Variants in ERAP2 observed in about 807,000 individuals in gnomAD.
ERAP2 encodes leukocyte-derived arginine aminopeptidase.
ERAP2 carries 118 observed loss-of-function variants against 111.1 expected under a neutral mutation model. The observed-to-expected ratio is 1.06, with a 90% CI of 0.92 to 1.24. ERAP2 has a LOEUF of 1.24. Ranked by LOEUF, ERAP2 falls within the 50% of genes most tolerant of loss-of-function variation. The probability of loss-of-function intolerance (pLI) is 0.00; values close to 1 mark genes in which losing one functional copy is unlikely to be tolerated. For synonymous variants in ERAP2, 410 were observed against 401.2 expected (o/e 1.02, Z -0.26); for missense variants, 1,131 against 1,125.8 (o/e 1.00, Z -0.07).
chr5:96,890,046 A>T (rs867357527), intron 5 of ERAP2, among the ~76,000 whole-genome samples: 16 of 152,202 alleles, frequency 1.1e-4, no homozygotes, highest in African/African-American at 3.6e-4. Context: ...ACAGATTTTT[A>T]AAAAATTGCA....
At chr5:96,880,301 T>C (rs767837857) in intron 2 of ERAP2, 41 bp downstream of exon 2, 13 of 1,535,266 alleles carry the variant, frequency 8.5e-6, no homozygotes, top group Admixed American at 5.9e-5. Flanking sequence ...TTTGTGATAA[T>C]TTCCTTACGA....
chr5:96,881,323 C>A, intron 2 of ERAP2: 1 of 435,998 alleles, frequency 2.3e-6, no homozygotes. Context: ...AGTGGCAGTG[C>A]TTATGGAGTG....
chr5:96,901,637 G>A lies in ERAP2; in HGVS notation c.1704G>A (p.Gln568=). 1 of 1,613,506 alleles carries A rather than the reference G, an allele frequency of 6.2e-7. No individual in the cohort carries two copies. Among genetic ancestry groups the A allele is most frequent in the Non-Finnish European group, 8.5e-7 (1 of 1,179,578 alleles). Residue 568 remains glutamine (Q), a synonymous_variant, in exon 11 of 19, where the codon CAG becomes CAA. Coordinates refer to ENST00000437043, the MANE Select transcript of ERAP2 (RefSeq NM_022350.5). ...GACTGCAACAGGAGCGCTTCCTCCA[G>A]GGGGTTTTCCAGGAAGACCCTGAAT... ...SLRLQQERFL[Q]GVFQEDPEWR... is the part of the protein sequence containing the mutation.
At chr5:96,901,767 C>T in intron 11 of ERAP2, 86 bp downstream of exon 11, 1 of 1,356,178 alleles carries the variant, frequency 7.4e-7, no homozygotes, top group Non-Finnish European at 1.0e-6. Context: ...CATCTGGCAA[C>T]TTTGTAGGAT....
At chr5:96,880,661 C>G (rs1407919730) in intron 2 of ERAP2, among the ~76,000 whole-genome samples, 1 of 152,022 alleles carries the variant, frequency 6.6e-6, no homozygotes, top group Non-Finnish European at 1.5e-5. Context: ...TATACATTGC[C>G]TAGGTAACAG....
At chr5:96,916,690 G>A (rs1229936702) in intron 18 of ERAP2, among the ~76,000 whole-genome samples, 1 of 150,940 alleles carries the variant, frequency 6.6e-6, no homozygotes, top group African/African-American at 2.4e-5. Context: ...GGGTGGTCTC[G>A]ATCTCCTGAC....
chr5:96,903,097 A>G (rs909695357), intron 12 of ERAP2, among the ~76,000 whole-genome samples: 1 of 152,188 alleles, frequency 6.6e-6, no homozygotes. Context: ...CATCTGGCTC[A>G]CTGGGCCCTT....
At chr5:96,913,524 G>A in intron 17 of ERAP2, 67 bp downstream of exon 17, 1 of 1,531,416 alleles carries the variant, frequency 6.5e-7, no homozygotes, top group East Asian at 2.3e-5. Flanking sequence ...CAAACCAAGT[G>A]TAATCAAATG....
chr5:96,917,407 C>A (rs1300048881), intron 18 of ERAP2, 55 bp from the exon 19 acceptor site: 17 of 1,538,774 alleles, frequency 1.1e-5, no homozygotes, highest in African/African-American at 1.4e-5. Flanking sequence ...AGGTGTGAAC[C>A]ACCACACTCG....
chr5:96,889,709 G>A (rs1256986561), intron 5 of ERAP2, among the ~76,000 whole-genome samples: 3 of 152,050 alleles, frequency 2.0e-5, no homozygotes, highest in East Asian at 1.9e-4. Context: ...TCCCTGTGGC[G>A]GACATCAACG....
chr5:96,901,306 A>G (rs1785435329), intron 10 of ERAP2, among the ~76,000 whole-genome samples, 200 bp from the exon 11 acceptor site: 1 of 152,056 alleles, frequency 6.6e-6, no homozygotes. Context: ...TATATCCCTC[A>G]ATTCAAGTAA....
chr5:96,903,240 A>G (rs1039675024), intron 12 of ERAP2, 137 bp from the exon 13 acceptor site: 90 of 633,154 alleles, frequency 1.4e-4, no homozygotes, highest in Non-Finnish European at 2.1e-4. Flanking sequence ...AACTACGAAA[A>G]TGAATATCAT....
At chr5:96,909,326 C>T (rs1460482104) in intron 14 of ERAP2, among the ~76,000 whole-genome samples, 2 of 152,170 alleles carry the variant, frequency 1.3e-5, no homozygotes, top group Non-Finnish European at 2.9e-5. Flanking sequence ...AACATCTCTA[C>T]TAAAGGTGAT....
intron 4 of ERAP2, among the ~76,000 whole-genome samples, chr5:96,888,548 A>G (rs1038949946): frequency 6.6e-6 from 1 of 152,254 alleles, no homozygotes; most frequent in Admixed American, 6.5e-5. Flanking sequence ...GTGGCCGTTT[A>G]CATTTTTTCT....
chr5:96,878,401 G>GTAA (rs1782777204), intron 1 of ERAP2, among the ~76,000 whole-genome samples: 2 of 20,022 alleles, frequency 1.0e-4, no homozygotes, highest in South Asian at 4.5e-3. Context: ...AATGCCATTC[G>GTAA]TAGTAATAAT....
intron 6 of ERAP2, among the ~76,000 whole-genome samples, chr5:96,894,271 G>A (rs1028860331): frequency 4.6e-5 from 7 of 152,092 alleles, no homozygotes; most frequent in Admixed American, 1.3e-4. Flanking sequence ...TATATTCACC[G>A]GTTTTCAAAT....
At chr5:96,881,929 T>C (rs897327499) in intron 2 of ERAP2, among the ~76,000 whole-genome samples, 2 of 152,146 alleles carry the variant, frequency 1.3e-5, no homozygotes, top group Non-Finnish European at 2.9e-5. Context: ...TCTGGACTTG[T>C]TGCCTTCCTG....
chr5:96,917,139 C>T (rs1225774260), intron 18 of ERAP2, among the ~76,000 whole-genome samples: 1 of 152,194 alleles, frequency 6.6e-6, no homozygotes, highest in African/African-American at 2.4e-5. Context: ...AACTGCCTCG[C>T]TCTGTCAGCC....
intron 2 of ERAP2, 67 bp downstream of exon 2, chr5:96,880,327 C>T (rs1561356546): frequency 2.2e-6 from 3 of 1,376,330 alleles, no homozygotes. Flanking sequence ...ATCTCTTTGC[C>T]AGGAGCAGAC....
Sources: gnomAD v4.1 joint callset for allele counts (sites outside exome capture counted in the v4.1 genomes callset) on GRCh38, gnomAD v4.1.1 for gene constraint, MANE v1.5 for transcripts, NCBI Gene and HGNC (gene_info 2026-07-23, HGNC 2026-07-21) for gene names.